The following COL18A1 variants were observed in gnomAD, a reference collection of about 807,000 sequenced individuals.
COL18A1 encodes collagen alpha-1(XVIII) chain.
A neutral mutation model predicts 168.0 loss-of-function variants in COL18A1; 133 were observed. The observed-to-expected ratio is 0.79, with a 90% CI of 0.69 to 0.91. COL18A1 has a LOEUF of 0.91. COL18A1 is among the 40% of genes least tolerant of loss of function. The probability of loss-of-function intolerance (pLI) is 0.00; values close to 1 mark genes in which losing one functional copy is unlikely to be tolerated. For missense variants in COL18A1, 2,126 were observed against 1,925.4 expected (o/e 1.10, Z -1.95); for synonymous variants, 949 against 809.0 (o/e 1.17, Z -2.94).
Position 45,509,413 on chromosome 21 carries a change from TACCCGCGGCGGGAGCACCCCC to T in COL18A1, c.3312_3332del (p.Arg1105_Pro1111del). On this transcript the variant is annotated inframe_deletion, in exon 39 of 42. Coordinates refer to ENST00000651438, the MANE Select transcript of COL18A1 (RefSeq NM_001379500.1). The stretch of plus-strand genomic sequence containing the variant: ...GGTGCAGCTGCACGACAGCAACCCC[TACCCGCGGCGGGAGCACCCCC>T]ACCCCACCGCGCGGCCCTGGCGGGC... 3.2e-6 allele frequency: 5 copies of T among 1,539,886 alleles called. No individual in the cohort carries two copies. The highest frequency in any genetic ancestry group is 4.4e-6 in the Non-Finnish European group (5 of 1,143,508).
intron 15 of COL18A1, 107 bp downstream of exon 15, chr21:45,482,928 T>C: frequency 2.0e-6 from 3 of 1,535,076 alleles, no homozygotes; most frequent in Non-Finnish European, 1.8e-6. Flanking sequence ...TGAGCTCTCT[T>C]GGGGCTGGCC....
rs73909571 is a variant in COL18A1 at position 45,457,669 on chromosome 21, C to T, written c.107-10573C>T. 3.9e-3 allele frequency among the ~76,000 whole-genome samples: 590 copies of T among 152,340 alleles called. 6 individuals carry two copies. The highest frequency in any genetic ancestry group is 0.014 in the African/African-American group (563 of 41,570). On this transcript the variant is annotated intron_variant, in intron 2 of 41. Transcript: ENST00000651438. This position sits in a 1 kb window ranked among gnomAD's most constrained non-coding sequence, Gnocchi z 4.6. ...AGTAGACGGGGCCCCTGAGCTGTGC[C>T]TGCCCCATTCAGATTCTGCTTGCTA...
In COL18A1 at chr21:45,456,353, C is replaced by G. The variant is rs1179353509; in HGVS notation, c.107-11889C>G. On this transcript the variant is annotated intron_variant, in intron 2 of 41. Transcript: ENST00000651438. Reference sequence around the variant, plus strand: ...CCTGGTGATGGGCTCCCTGGGCAAGCACGCGGCCCCCTCCGCCTTCTCCTC... The same window carrying G: ...CCTGGTGATGGGCTCCCTGGGCAAGGACGCGGCCCCCTCCGCCTTCTCCTC... 4 of 1,550,366 alleles carry G rather than the reference C, an allele frequency of 2.6e-6. No homozygotes were observed. The East Asian group carries it at 9.8e-5, about 38-fold the overall frequency.
intron 2 of COL18A1, among the ~76,000 whole-genome samples, chr21:45,432,375 T>G (rs9978015): frequency 6.6e-6 from 1 of 152,018 alleles, no homozygotes; most frequent in African/African-American, 2.4e-5. Context: ...TGTGGTCCAT[T>G]GATTGCCTCC....
rs185403555 is a variant in COL18A1 at position 45,458,856 on chromosome 21, G to A, written c.107-9386G>A. Among the ~76,000 whole-genome samples, 5 of 152,208 alleles carry A rather than the reference G, an allele frequency of 3.3e-5. No homozygotes were observed. In the East Asian group the frequency reaches 9.6e-4, roughly 29 times the overall value. The stretch of plus-strand genomic sequence containing the variant: ...GGGATCAGCTGAGCACTGTGAGCAA[G>A]CTTCAGCCTCAGGGAAGGTGCCGGT... On this transcript the variant is annotated intron_variant, in intron 2 of 41. Coordinates refer to ENST00000651438, the MANE Select transcript of COL18A1 (RefSeq NM_001379500.1).
intron 2 of COL18A1, among the ~76,000 whole-genome samples, chr21:45,451,093 C>T (rs995827437): frequency 2.0e-5 from 3 of 152,216 alleles, no homozygotes; most frequent in Non-Finnish European, 4.4e-5. Flanking sequence ...AGGTTCTGAG[C>T]TGTTAGCCTC....
intron 24 of COL18A1, 89 bp from the exon 25 acceptor site, chr21:45,493,074 G>A (rs890507718): frequency 6.4e-5 from 85 of 1,326,626 alleles, no homozygotes; most frequent in South Asian, 2.1e-4. Context: ...GGCATATTGC[G>A]GGGGGCAGCT....
At chr21:45,409,333 C>A (rs1602325083) in intron 2 of COL18A1, among the ~76,000 whole-genome samples, 1 of 152,218 alleles carries the variant, frequency 6.6e-6, no homozygotes, top group Non-Finnish European at 1.5e-5. Flanking sequence ...AACTAAAATG[C>A]ATGTTGGGCG....
intron 4 of COL18A1, among the ~76,000 whole-genome samples, chr21:45,475,009 C>T (rs1290711538): frequency 6.6e-6 from 1 of 152,216 alleles, no homozygotes; most frequent in Non-Finnish European, 1.5e-5. Context: ...CTGTCTTGCC[C>T]TCAGGGGTCA....
chr21:45,508,657 A>G (rs2037394798), intron 38 of COL18A1, among the ~76,000 whole-genome samples: 1 of 152,182 alleles, frequency 6.6e-6, no homozygotes, highest in Admixed American at 6.5e-5. Context: ...GAGCAGTGTC[A>G]GGGGCTCCAC....
intron 2 of COL18A1, among the ~76,000 whole-genome samples, chr21:45,433,757 C>T (rs1465539243): frequency 6.6e-6 from 1 of 152,208 alleles, no homozygotes; most frequent in Non-Finnish European, 1.5e-5. Context: ...TTTGGCCAGC[C>T]GTGTGACTGT....
chr21:45,477,705 T>TG (rs781081358), intron 7 of COL18A1, 45 bp from the exon 8 acceptor site: 220 of 1,491,542 alleles, frequency 1.5e-4, no homozygotes, highest in Non-Finnish European at 1.9e-4. Context: ...GCAGGGTGTG[T>TG]GGGGCCCCAC....
chr21:45,501,996 G>A (rs1184893952), intron 32 of COL18A1, among the ~76,000 whole-genome samples: 6 of 68,160 alleles, frequency 8.8e-5, no homozygotes, highest in Admixed American at 7.9e-4. Flanking sequence ...GACCCTCAGG[G>A]GCTCCACAGC....
Position 45,498,370 on chromosome 21 carries a change from C to G in COL18A1, c.2683+709C>G, listed in dbSNP as rs538929209. ...CCGCCAGGGTTCCCTCTCGCCACCA[C>G]GGTCCCCTCTCGCCGCCAGGGTCCC... On this transcript the variant is annotated intron_variant, in intron 32 of 41. Coordinates refer to ENST00000651438, the MANE Select transcript of COL18A1 (RefSeq NM_001379500.1). The surrounding 1 kb of genome is among the most constrained non-coding windows in gnomAD (Gnocchi z 4.5). 2.2e-5 allele frequency: 15 copies of G among 667,512 alleles called. No individual in the cohort carries two copies. The highest frequency in any genetic ancestry group is 1.1e-4 in the African/African-American group (6 of 53,402). The allele number at this position is 667,512 out of a possible 1,614,324, so 41.3% of individuals were successfully genotyped here.
chr21:45,453,452 T>C (rs1460447711), intron 2 of COL18A1, among the ~76,000 whole-genome samples: 2 of 152,158 alleles, frequency 1.3e-5, no homozygotes, highest in South Asian at 4.1e-4. Flanking sequence ...TGAGTGATGA[T>C]GTGAGGAGGC....
intron 32 of COL18A1, among the ~76,000 whole-genome samples, chr21:45,499,032 C>T (rs2036644959): frequency 6.6e-6 from 1 of 152,188 alleles, no homozygotes; most frequent in East Asian, 1.9e-4. Context: ...ATGGCTGATG[C>T]TCTTCCAAAG....
At chr21:45,422,402 A>C (rs779984995) in intron 2 of COL18A1, 2 of 509,968 alleles carry the variant, frequency 3.9e-6, no homozygotes, top group Admixed American at 4.1e-5. Context: ...GTGGGCACTG[A>C]GGGTCTCACC....
chr21:45,482,000 G>A lies in COL18A1; in HGVS notation c.1649G>A (p.Gly550Glu). 6.2e-7 allele frequency: 1 copy of A among 1,613,724 alleles called. No homozygotes were observed. Among genetic ancestry groups the A allele is most frequent in the Non-Finnish European group, 8.5e-7 (1 of 1,179,712 alleles). Residue 550 changes from glycine to glutamate, a missense_variant, in exon 14 of 42, where the codon GGA becomes GAA. Coordinates refer to ENST00000651438, the MANE Select transcript of COL18A1 (RefSeq NM_001379500.1). ...CCTCCGGGAAGAGAGGGGCCCCCAG[G>A]AAGGACTGGGCAGAAAGGCAGCCTG... ...PGPPGREGPP[G>E]RTGQKGSLGE... is the part of the protein sequence containing the mutation.
At chr21:45,460,346 G>T (rs950281026) in intron 2 of COL18A1, among the ~76,000 whole-genome samples, 4 of 152,208 alleles carry the variant, frequency 2.6e-5, no homozygotes, top group African/African-American at 7.2e-5. Flanking sequence ...GTGCTCGGGA[G>T]GCAGGTCCAC....
Sources: allele counts gnomAD v4.1 joint callset (sites outside exome capture counted in the v4.1 genomes callset), GRCh38; gene constraint gnomAD v4.1.1; non-coding constraint Gnocchi (gnomAD v3.1); transcripts MANE v1.5; gene names NCBI Gene and HGNC (gene_info 2026-07-23, HGNC 2026-07-21).